GABBR2: variants seen among roughly 807,000 people sequenced by gnomAD.
GABBR2 encodes G-protein coupled receptor 51.
Under a neutral mutation model 105.6 loss-of-function variants are expected in GABBR2, and 23 were observed. The ratio of observed to expected loss-of-function variants is 0.22; its 90% confidence interval spans 0.16 to 0.31. The LOEUF (loss-of-function observed/expected upper bound fraction) is 0.31. GABBR2 is among the 10% of genes least tolerant of loss of function. The pLI is 1.00. For missense variants in GABBR2, 734 were observed against 1,245.5 expected (o/e 0.59, Z 6.18); for synonymous variants, 478 against 499.7 (o/e 0.96, Z 0.58).
At chr9:98,659,570 G>A (rs1210993523) in intron 1 of GABBR2, among the ~76,000 whole-genome samples, 1 of 137,666 alleles carries the variant, frequency 7.3e-6, no homozygotes, top group East Asian at 2.1e-4. Flanking sequence ...TGCCCAGGCT[G>A]GAGTGCAGTG....
intron 13 of GABBR2, among the ~76,000 whole-genome samples, chr9:98,349,361 T>G (rs1831356611): frequency 3.2e-5 from 1 of 31,614 alleles, no homozygotes; most frequent in Non-Finnish European, 1.2e-4. Flanking sequence ...TTTTTTTTTT[T>G]TTTTTTTTTT....
At chr9:98,610,948 A>G (rs549988203) in intron 1 of GABBR2, among the ~76,000 whole-genome samples, 1 of 152,246 alleles carries the variant, frequency 6.6e-6, no homozygotes, top group South Asian at 2.1e-4. Flanking sequence ...CAGAGATTGC[A>G]CCATTGCACT....
intron 1 of GABBR2, among the ~76,000 whole-genome samples, chr9:98,641,860 A>G (rs1829967131): frequency 6.6e-6 from 1 of 152,196 alleles, no homozygotes; most frequent in African/African-American, 2.4e-5. Flanking sequence ...GAGAGAAGGC[A>G]GCACCACCCC....
chr9:98,345,387 C>T (rs572611680), intron 13 of GABBR2, among the ~76,000 whole-genome samples: 2 of 152,312 alleles, frequency 1.3e-5, no homozygotes, highest in Admixed American at 1.3e-4. Context: ...AGTCATCATT[C>T]GACCTTCCTC....
intron 2 of GABBR2, among the ~76,000 whole-genome samples, chr9:98,563,234 A>G (rs1828701796): frequency 6.6e-6 from 1 of 152,192 alleles, no homozygotes; most frequent in Non-Finnish European, 1.5e-5. Context: ...CCGAAAACCA[A>G]AATGGAAACC....
chr9:98,691,677 C>T (rs2131878942), intron 1 of GABBR2, among the ~76,000 whole-genome samples: 1 of 152,300 alleles, frequency 6.6e-6, no homozygotes, highest in Middle Eastern at 3.4e-3. Flanking sequence ...GGTCAGTCAC[C>T]TATGTGCTGG....
At chr9:98,535,355 T>C (rs1328988975) in intron 3 of GABBR2, among the ~76,000 whole-genome samples, 13 of 151,690 alleles carry the variant, frequency 8.6e-5, no homozygotes, top group Middle Eastern at 6.8e-3. Context: ...CCCACCTCAG[T>C]CTCCCAGAGT....
At chr9:98,396,201 G>A (rs1056402687) in intron 8 of GABBR2, among the ~76,000 whole-genome samples, 23 of 152,206 alleles carry the variant, frequency 1.5e-4, no homozygotes, top group Admixed American at 5.9e-4. Context: ...GAAGCACAAA[G>A]AGGAGGATTG....
chr9:98,381,406 G>A (rs56070637), intron 11 of GABBR2, among the ~76,000 whole-genome samples: 7,559 of 152,244 alleles, frequency 0.05, 655 homozygotes, highest in African/African-American at 0.17. Context: ...TTCTAGGTCC[G>A]AAGGACAGAA....
At position 98,290,986 on chromosome 9, in the gene GABBR2, T is replaced by C. The variant is rs564740839; in HGVS notation, c.2661-237A>G. 5.9e-5 allele frequency among the ~76,000 whole-genome samples: 9 copies of C among 152,244 alleles called. No homozygotes were observed. The South Asian group carries it at 1.5e-3, about 25-fold the overall frequency. On this transcript the variant is annotated intron_variant, in intron 18 of 18. Coordinates refer to ENST00000259455, the MANE Select transcript of GABBR2 (RefSeq NM_005458.8). Reference sequence around the variant, plus strand: ...GGGAGACTTGAATAAACAAGGGAGATGAATTTTCTCGAGCTTTGGGCCAGG... The same window carrying C: ...GGGAGACTTGAATAAACAAGGGAGACGAATTTTCTCGAGCTTTGGGCCAGG...
At chr9:98,639,395 C>T (rs1282708870) in intron 1 of GABBR2, among the ~76,000 whole-genome samples, 1 of 152,144 alleles carries the variant, frequency 6.6e-6, no homozygotes, top group Non-Finnish European at 1.5e-5. Flanking sequence ...CACCATCACA[C>T]TAATGAAGAT....
chr9:98,406,854 T>A (rs1483989425), intron 7 of GABBR2, among the ~76,000 whole-genome samples: 1 of 152,202 alleles, frequency 6.6e-6, no homozygotes, highest in Non-Finnish European at 1.5e-5. Flanking sequence ...AGAGATGGAA[T>A]GTCATCTCTT....
chr9:98,326,683 T>C (rs1323827529), intron 13 of GABBR2, among the ~76,000 whole-genome samples: 5 of 152,226 alleles, frequency 3.3e-5, no homozygotes, highest in South Asian at 2.1e-4. Context: ...AGCTGGATTT[T>C]GTGTGAGTGA....
At chr9:98,508,379 C>T (rs545530733) in intron 3 of GABBR2, among the ~76,000 whole-genome samples, 1 of 152,222 alleles carries the variant, frequency 6.6e-6, no homozygotes, top group Non-Finnish European at 1.5e-5. Context: ...AACTGAAGTA[C>T]CGGGTTCATC....
chr9:98,573,969 A>T (rs1828875817), intron 2 of GABBR2, among the ~76,000 whole-genome samples: 1 of 152,194 alleles, frequency 6.6e-6, no homozygotes. Flanking sequence ...GGTGTAGCGG[A>T]GGAAGAAATA....
At chr9:98,561,962 T>C (rs1344402065) in intron 2 of GABBR2, among the ~76,000 whole-genome samples, 1 of 152,206 alleles carries the variant, frequency 6.6e-6, no homozygotes, top group East Asian at 1.9e-4. Flanking sequence ...AAATTGATGC[T>C]AAAACCATTG....
chr9:98,664,107 C>T (rs1830303476), intron 1 of GABBR2, among the ~76,000 whole-genome samples: 1 of 152,184 alleles, frequency 6.6e-6, no homozygotes, highest in South Asian at 2.1e-4. Flanking sequence ...TCGGCAGGAT[C>T]CCCACACTGG....
chr9:98,489,447 C>G (rs1827129191), intron 4 of GABBR2, among the ~76,000 whole-genome samples: 1 of 152,198 alleles, frequency 6.6e-6, no homozygotes, highest in Admixed American at 6.5e-5. Context: ...GGCCCAGAGA[C>G]CCTAAATGAA....
At chr9:98,410,507 T>TC (rs1181544117) in intron 7 of GABBR2, among the ~76,000 whole-genome samples, 1 of 85,074 alleles carries the variant, frequency 1.2e-5, no homozygotes, top group African/African-American at 2.9e-5. Context: ...GGGAAAAGCT[T>TC]TTTTTTTTTT....
Sources: allele counts gnomAD v4.1 joint callset (sites outside exome capture counted in the v4.1 genomes callset), GRCh38; gene constraint gnomAD v4.1.1; transcripts MANE v1.5; gene names NCBI Gene and HGNC (gene_info 2026-07-23, HGNC 2026-07-21).